The following METTL15 variants were observed in gnomAD, a reference collection of about 807,000 sequenced individuals.
The protein encoded by METTL15 is methyltransferase 15, mitochondrial 12S rRNA N4-cytidine.
In METTL15, 34 loss-of-function variants were observed where a neutral mutation model predicts 38.3. The observed-to-expected ratio is 0.89, with a 90% CI of 0.68 to 1.18. The LOEUF (loss-of-function observed/expected upper bound fraction) is 1.18. Ranked by LOEUF, METTL15 falls within the 50% of genes most tolerant of loss-of-function variation. The pLI is 0.00. For synonymous variants in METTL15, 162 were observed against 170.9 expected (o/e 0.95, Z 0.41); for missense variants, 438 against 498.4 (o/e 0.88, Z 1.15).
Position 28,201,610 on chromosome 11 carries a change from G to GGGGTGTGTGTGTGTGTGTGTGTGTGTGT in METTL15, c.271-9451_271-9450insGGTGTGTGTGTGTGTGTGTGTGTGTGTG, listed in dbSNP as rs1554997839. ...CTTCTTCCTGGTTTAGTCTTGGGAGGGTGTGTGTGTGTGTCCAGGAATTTA... is the reference window on the plus strand; with the variant it reads ...CTTCTTCCTGGTTTAGTCTTGGGAGGGGGTGTGTGTGTGTGTGTGTGTGTGTGTGTGTGTGTGTGTGTCCAGGAATTTA... On this transcript the variant is annotated intron_variant, in intron 3 of 6. Transcript: ENST00000407364. Among the ~76,000 whole-genome samples the GGGGTGTGTGTGTGTGTGTGTGTGTGTGT allele has an allele frequency of 2.1e-3, 306 of 145,650 alleles. 3 individuals carry two copies. The highest frequency in any genetic ancestry group is 7.5e-3 in the African/African-American group (293 of 39,100).
intron 3 of METTL15, among the ~76,000 whole-genome samples, chr11:28,118,042 G>A (rs1007202172): frequency 3.3e-5 from 5 of 151,338 alleles, no homozygotes; most frequent in African/African-American, 9.7e-5. Context: ...TCGCTCTGTC[G>A]TCCAGGCTGG....
downstream of METTL15, among the ~76,000 whole-genome samples, chr11:28,337,709 G>A (rs776100354): frequency 2.8e-4 from 43 of 152,072 alleles, no homozygotes; most frequent in Non-Finnish European, 4.1e-4. Flanking sequence ...TATTTTTACT[G>A]TATCTTTAAT....
At chr11:28,356,198 A>G (rs1181333460) in intron 4 of METTL15, among the ~76,000 whole-genome samples, 1 of 152,208 alleles carries the variant, frequency 6.6e-6, no homozygotes, top group Non-Finnish European at 1.5e-5. Context: ...CCTTGCTTAT[A>G]TCTTTCCTAG....
chr11:28,133,188 A>G (rs1313666189), intron 3 of METTL15, among the ~76,000 whole-genome samples: 4 of 152,158 alleles, frequency 2.6e-5, no homozygotes, highest in African/African-American at 7.2e-5. Flanking sequence ...ATTTAGAAAA[A>G]TTGATTTTAA....
chr11:28,352,484 T>C (rs1046040002), intron 4 of METTL15, among the ~76,000 whole-genome samples: 16 of 152,224 alleles, frequency 1.1e-4, no homozygotes, highest in Admixed American at 9.8e-4. Flanking sequence ...AGAAGTATCA[T>C]AAACTTCATG....
intron 5 of METTL15, among the ~76,000 whole-genome samples, chr11:28,407,743 T>C (rs1850686386): frequency 1.3e-5 from 2 of 152,186 alleles, no homozygotes; most frequent in South Asian, 4.1e-4. Context: ...TGGAACACAG[T>C]GTGTTGATTC....
At chr11:28,459,492 G>A (rs1447928422) in intron 6 of METTL15, among the ~76,000 whole-genome samples, 2 of 151,948 alleles carry the variant, frequency 1.3e-5, no homozygotes, top group African/African-American at 2.4e-5. Flanking sequence ...TTTCAGGGCC[G>A]GTAAAATAAT....
Position 28,291,868 on chromosome 11 carries a change from CAG to C in METTL15, c.599+1472_599+1473del, listed in dbSNP as rs112702593. ...TATCAGCAAATTGTAGTTTGTGAATCAGGGTCCCTGTGGTTTTCCCAAGAGCT... is the reference window on the plus strand; with the variant it reads ...TATCAGCAAATTGTAGTTTGTGAATCGGTCCCTGTGGTTTTCCCAAGAGCT... On this transcript the variant is annotated intron_variant, in intron 5 of 6. Transcript: ENST00000407364. Among the ~76,000 whole-genome samples the C allele has an allele frequency of 6.6e-5, 10 of 152,140 alleles. 1 individual carries two copies. The highest frequency in any genetic ancestry group is 2.4e-4 in the African/African-American group (10 of 41,520).
chr11:28,297,437 A>G (rs1211499476), intron 6 of METTL15, among the ~76,000 whole-genome samples: 1 of 152,140 alleles, frequency 6.6e-6, no homozygotes, highest in Non-Finnish European at 1.5e-5. Flanking sequence ...TCTGTTCTAA[A>G]CAACCAACTA....
chr11:28,214,243 AG>A (rs1316233403), intron 4 of METTL15, among the ~76,000 whole-genome samples: 5 of 152,052 alleles, frequency 3.3e-5, no homozygotes, highest in Non-Finnish European at 7.4e-5. Context: ...TATGTTGCCC[AG>A]GCTGGTCTTG....
intron 6 of METTL15, among the ~76,000 whole-genome samples, chr11:28,525,259 T>G (rs909785681): frequency 3.3e-5 from 5 of 152,196 alleles, no homozygotes; most frequent in African/African-American, 1.2e-4. Context: ...TTCTCTTTTC[T>G]GGCCCCACGC....
chr11:28,390,108 A>T (rs1391733507), intron 5 of METTL15, among the ~76,000 whole-genome samples: 1 of 151,502 alleles, frequency 6.6e-6, no homozygotes, highest in African/African-American at 2.4e-5. Flanking sequence ...GTTTGAGTTC[A>T]TTGTAGATTC....
chr11:28,255,993 G>A (rs532393015), intron 4 of METTL15, among the ~76,000 whole-genome samples: 6 of 152,254 alleles, frequency 3.9e-5, no homozygotes, highest in East Asian at 1.9e-4. Flanking sequence ...ATGAGCCACC[G>A]TGCCTGGCCA....
At chr11:28,458,033 A>G (rs1009930959) in intron 6 of METTL15, among the ~76,000 whole-genome samples, 2 of 152,198 alleles carry the variant, frequency 1.3e-5, no homozygotes, top group African/African-American at 4.8e-5. Flanking sequence ...GTAGGGGCAG[A>G]AGGATATCAC....
intron 6 of METTL15, among the ~76,000 whole-genome samples, chr11:28,315,457 G>T (rs1194358876): frequency 6.6e-6 from 1 of 152,178 alleles, no homozygotes; most frequent in Non-Finnish European, 1.5e-5. Context: ...AGGTGGCTTG[G>T]GTGCTGTTAA....
intron 5 of METTL15, among the ~76,000 whole-genome samples, chr11:28,370,504 C>A (rs1357286824): frequency 6.6e-6 from 1 of 151,840 alleles, no homozygotes; most frequent in Admixed American, 6.6e-5. Context: ...CTGAATAGTG[C>A]TGCAAGAAAT....
chr11:28,360,532 T>TA lies in METTL15; in HGVS notation c.*259-1404dup. On this transcript the variant is annotated intron_variant and NMD_transcript_variant, in intron 4 of 7. Coordinates refer to the METTL15 transcript ENST00000532947. ...AAGCTAGTCTGCAGAGAAACAGAAT[T>TA]AGTCAGAGCTACAGAAAGAAACTCA... Among the ~76,000 whole-genome samples the TA allele has an allele frequency of 2.0e-5, 3 of 152,206 alleles. No individual in the cohort carries two copies. In the South Asian group the frequency reaches 6.2e-4, roughly 32 times the overall value.
chr11:28,410,606 A>G (rs1850716298), intron 5 of METTL15: 1 of 152,142 alleles, frequency 6.6e-6, no homozygotes, highest in Non-Finnish European at 1.5e-5. Flanking sequence ...CAGTTTAGGT[A>G]TAGAAGGAAT....
At chr11:28,155,238 G>T (rs1056839419) in intron 3 of METTL15, among the ~76,000 whole-genome samples, 2 of 152,116 alleles carry the variant, frequency 1.3e-5, no homozygotes, top group African/African-American at 2.4e-5. Context: ...TTTTTAGAAT[G>T]TAATGCTCTC....
Sources: gnomAD v4.1 joint callset for allele counts (sites outside exome capture counted in the v4.1 genomes callset) on GRCh38, gnomAD v4.1.1 for gene constraint, MANE v1.5 for transcripts, NCBI Gene and HGNC (gene_info 2026-07-23, HGNC 2026-07-21) for gene names.